The following SCAPER variants were observed in gnomAD, a reference collection of about 807,000 sequenced individuals.
The protein encoded by SCAPER is S phase cyclin A-associated protein in the endoplasmic reticulum.
SCAPER carries 98 observed loss-of-function variants against 182.2 expected under a neutral mutation model. The ratio of observed to expected loss-of-function variants is 0.54; its 90% CI spans 0.46 to 0.64. The LOEUF (loss-of-function observed/expected upper bound fraction) is 0.64. Ranked by LOEUF, SCAPER falls within the 30% of genes least tolerant of loss-of-function variation. SCAPER has a pLI of 0.00. For synonymous variants in SCAPER, 605 were observed against 564.6 expected (o/e 1.07, Z -1.01); for missense variants, 1,432 against 1,690.0 (o/e 0.85, Z 2.68).
chr15:76,765,394 C>G lies in SCAPER; in HGVS notation c.1556G>C (p.Arg519Thr). 6.2e-7 allele frequency: 1 copy of G among 1,613,946 alleles called. No individual in the cohort carries two copies. The highest frequency in any genetic ancestry group is 8.5e-7 in the Non-Finnish European group (1 of 1,179,876). Residue 519 changes from arginine to threonine, a missense_variant, in exon 13 of 32, where the codon AGA (arginine) becomes ACA (threonine). By Grantham distance (71) the Arg-to-Thr change is moderately conservative. This residue lies in a region of SCAPER where 128 missense variants were observed against 149.9 expected (regional missense o/e 0.85). Coordinates refer to ENST00000563290, the MANE Select transcript of SCAPER (RefSeq NM_020843.4). ...WGDIVEEEPA[R>T]PPGHGIHMHE... Reference sequence around the variant, plus strand: ...CATGTGAATTCCATGCCCTGGAGGTCTAGCAGGTTCTTCTTCTACAATGTC... The same window carrying G: ...CATGTGAATTCCATGCCCTGGAGGTGTAGCAGGTTCTTCTTCTACAATGTC...
At chr15:76,716,233 C>T (rs193118545) in intron 17 of SCAPER, among the ~76,000 whole-genome samples, 122 of 152,272 alleles carry the variant, frequency 8.0e-4, no homozygotes, top group African/African-American at 2.9e-3. Context: ...TGCATGATAA[C>T]TACACCATTG....
chr15:76,406,044 A>G (rs750872418), intron 26 of SCAPER, among the ~76,000 whole-genome samples: 7 of 152,274 alleles, frequency 4.6e-5, no homozygotes, highest in Non-Finnish European at 8.8e-5. Context: ...TGAAATGACG[A>G]CCACCAGACC....
chr15:76,507,529 G>C (rs1334669043), intron 23 of SCAPER, among the ~76,000 whole-genome samples: 1 of 152,002 alleles, frequency 6.6e-6, no homozygotes, highest in Non-Finnish European at 1.5e-5. Context: ...TTTTTGAAAA[G>C]GGAGTAGGGA....
chr15:76,539,637 T>TG (rs1431931114), intron 23 of SCAPER, among the ~76,000 whole-genome samples: 4 of 151,160 alleles, frequency 2.6e-5, no homozygotes, highest in South Asian at 2.1e-4. Context: ...CTCCGCCCCT[T>TG]GGGGTTCATG....
chr15:76,787,762 C>A (rs755187022), intron 8 of SCAPER, among the ~76,000 whole-genome samples: 6 of 152,108 alleles, frequency 3.9e-5, no homozygotes, highest in Non-Finnish European at 8.8e-5. Flanking sequence ...CTATCAACTT[C>A]CAGGCAATGT....
chr15:76,580,373 A>G (rs958790860), intron 22 of SCAPER, among the ~76,000 whole-genome samples: 1 of 152,242 alleles, frequency 6.6e-6, no homozygotes, highest in Admixed American at 6.5e-5. Flanking sequence ...GGAATTTTGG[A>G]AACTATACGA....
intron 24 of SCAPER, among the ~76,000 whole-genome samples, chr15:76,487,884 T>C (rs1232852716): frequency 6.6e-6 from 1 of 152,166 alleles, no homozygotes; most frequent in Non-Finnish European, 1.5e-5. Context: ...CATTTCCTGC[T>C]GCATACTTGG....
intron 21 of SCAPER, among the ~76,000 whole-genome samples, chr15:76,632,995 G>C (rs1477047877): frequency 6.6e-6 from 1 of 151,824 alleles, no homozygotes; most frequent in Non-Finnish European, 1.5e-5. Flanking sequence ...GGCTGGTCTC[G>C]AACTCCTGAC....
chr15:76,499,709 T>C (rs988347021), intron 24 of SCAPER, among the ~76,000 whole-genome samples: 1 of 152,124 alleles, frequency 6.6e-6, no homozygotes, highest in Admixed American at 6.6e-5. Context: ...TTTTTTTAAG[T>C]GATAAGATGA....
intron 15 of SCAPER, among the ~76,000 whole-genome samples, chr15:76,740,232 G>T (rs2061470490): frequency 6.6e-6 from 1 of 152,146 alleles, no homozygotes; most frequent in South Asian, 2.1e-4. Context: ...TTACAGTGAA[G>T]ATGAATAGAT....
chr15:76,420,364 C>T (rs1352292338), intron 26 of SCAPER, among the ~76,000 whole-genome samples: 1 of 151,524 alleles, frequency 6.6e-6, no homozygotes, highest in African/African-American at 2.4e-5. Context: ...AGATGCACAC[C>T]ACTATGCCTG....
rs1410938926 is a variant in SCAPER at position 76,617,172 on chromosome 15, TC to T, written c.2711+4591del. Among the ~76,000 whole-genome samples the T allele has an allele frequency of 5.3e-5, 8 of 152,326 alleles. No homozygotes were observed. The East Asian group carries it at 1.3e-3, about 26-fold the overall frequency. On this transcript the variant is annotated intron_variant, in intron 22 of 31. Coordinates refer to ENST00000563290, the MANE Select transcript of SCAPER (RefSeq NM_020843.4). ...TTTCACTTTGATATAGTCAAAGTCA[TC>T]CGTCTTTTCTTCTCTGACTCCTGTG...
chr15:76,479,512 G>A (rs2050929965), intron 24 of SCAPER, among the ~76,000 whole-genome samples: 1 of 152,164 alleles, frequency 6.6e-6, no homozygotes, highest in Admixed American at 6.5e-5. Flanking sequence ...GAATTTTTGT[G>A]TCAGTAAGTC....
intron 7 of SCAPER, among the ~76,000 whole-genome samples, chr15:76,798,215 C>T (rs2065472132): frequency 1.3e-5 from 2 of 152,050 alleles, no homozygotes; most frequent in Non-Finnish European, 2.9e-5. Flanking sequence ...CAAAAATTAG[C>T]TGGGCATGGT....
intron 26 of SCAPER, among the ~76,000 whole-genome samples, chr15:76,413,809 G>C (rs1333361897): frequency 6.6e-6 from 1 of 152,120 alleles, no homozygotes; most frequent in Non-Finnish European, 1.5e-5. Flanking sequence ...TGGGACCTGG[G>C]GGTAAGAAAA....
intron 5 of SCAPER, among the ~76,000 whole-genome samples, chr15:76,829,720 C>T (rs1029837231): frequency 3.9e-5 from 6 of 152,136 alleles, no homozygotes; most frequent in Non-Finnish European, 7.4e-5. Flanking sequence ...TTAAGAATCA[C>T]ACAACTATGA....
chr15:76,732,148 C>G (rs2060956822), intron 16 of SCAPER, among the ~76,000 whole-genome samples: 1 of 152,056 alleles, frequency 6.6e-6, no homozygotes, highest in African/African-American at 2.4e-5. Context: ...CCTTTGGGAA[C>G]AAACACTAGG....
At chr15:76,643,589 G>A (rs1020454301) in intron 21 of SCAPER, among the ~76,000 whole-genome samples, 1 of 152,178 alleles carries the variant, frequency 6.6e-6, no homozygotes, top group African/African-American at 2.4e-5. Context: ...GGCTGTGGCA[G>A]GAGAATCGCT....
intron 27 of SCAPER, among the ~76,000 whole-genome samples, chr15:76,382,310 G>A (rs1870059257): frequency 6.6e-6 from 1 of 151,916 alleles, no homozygotes; most frequent in African/African-American, 2.4e-5. Context: ...AAAGCAGCAG[G>A]GGTATGCTAA....
Sources: gnomAD v4.1 joint callset for allele counts (sites outside exome capture counted in the v4.1 genomes callset) on GRCh38, gnomAD v4.1.1 for gene constraint, gnomAD v4.1.1 regional missense constraint, MANE v1.5 for transcripts, NCBI Gene and HGNC (gene_info 2026-07-23, HGNC 2026-07-21) for gene names.